SYNE1: variants seen among roughly 807,000 people sequenced by gnomAD.
The protein encoded by SYNE1 is spectrin repeat containing nuclear envelope protein 1.
A neutral mutation model predicts 1,111.0 loss-of-function variants in SYNE1; 616 were observed. The ratio of observed to expected loss-of-function variants is 0.55; its 90% CI spans 0.52 to 0.59. The LOEUF is 0.59. SYNE1 is among the 20% of genes least tolerant of loss of function. SYNE1 has a pLI of 0.00. For synonymous variants in SYNE1, 3,855 were observed against 3,825.8 expected (o/e 1.01, Z -0.28); for missense variants, 10,006 against 10,417.0 (o/e 0.96, Z 1.72).
Position 152,399,678 on chromosome 6 carries a change from A to G in SYNE1, c.7175T>C (p.Val2392Ala), listed in dbSNP as rs199558070. The change falls in exon 48 of 146, where the codon GTG becomes GCG. Residue 2392 changes from valine to alanine, a missense_variant. Val to Ala is a moderately conservative substitution (Grantham distance 64). Transcript: ENST00000367255. ...MTGLIKKHEA[V>A]SQLCSKTQAS... ...CTGGGTTTTGGAGCACAACTGGCTC[A>G]CGGCTTCATGTTTCTTTATCAGACC... 301 of 1,614,182 alleles carry G rather than the reference A, an allele frequency of 1.9e-4. 2 individuals carry two copies. In the East Asian group the frequency reaches 6.6e-3, roughly 36 times the overall value.
intron 38 of SYNE1, 72 bp from the exon 39 acceptor site, chr6:152,425,619 C>T: frequency 1.3e-6 from 2 of 1,577,116 alleles, no homozygotes; most frequent in Non-Finnish European, 1.7e-6. Context: ...GCACAGGCGG[C>T]TGTTGTCCAA....
chr6:152,148,359 T>C lies in SYNE1; in HGVS notation c.24662A>G (p.Asp8221Gly). The part of the protein sequence containing the change: ...IRLPLPDDEH[D>G]LSDRELELED... ...CAGCTCCAGCTCCCTGTCTGAGAGG[T>C]CGTGCTCATCGTCTGGGAGCTAGAA... The change falls in exon 137 of 146, where the codon GAC (aspartate) becomes GGC (glycine). Residue 8221 changes from aspartate (D) to glycine (G), a missense_variant. Coordinates refer to ENST00000367255, the MANE Select transcript of SYNE1 (RefSeq NM_182961.4). The surrounding 1 kb of genome is among the most constrained non-coding windows in gnomAD (Gnocchi z 4.1). 2 of 1,613,938 alleles carry C rather than the reference T, an allele frequency of 1.2e-6. No individual in the cohort carries two copies. Among genetic ancestry groups the C allele is most frequent in the South Asian group, 1.1e-5 (1 of 91,040 alleles).
intron 2 of SYNE1, among the ~76,000 whole-genome samples, chr6:152,631,241 C>G (rs953358606): frequency 1.3e-5 from 2 of 152,080 alleles, no homozygotes; most frequent in African/African-American, 4.8e-5. Flanking sequence ...GTTAGTCACT[C>G]AGGTGAAACA....
At chr6:152,634,654 C>A (rs1436734936) in intron 2 of SYNE1, among the ~76,000 whole-genome samples, 2 of 152,114 alleles carry the variant, frequency 1.3e-5, no homozygotes, top group African/African-American at 4.8e-5. Context: ...AAGAAATGAT[C>A]TTTTCCATAG....
intron 116 of SYNE1, 31 bp downstream of exon 116, chr6:152,225,690 C>A: frequency 6.2e-7 from 1 of 1,614,008 alleles, no homozygotes; most frequent in South Asian, 1.1e-5. Context: ...CAAACACGGT[C>A]CTGGAGCTGG....
intron 25 of SYNE1, 28 bp downstream of exon 25, chr6:152,453,558 A>C (rs780962980): frequency 6.2e-7 from 1 of 1,614,086 alleles, no homozygotes; most frequent in Non-Finnish European, 8.5e-7. Context: ...TTGAGGATGC[A>C]CGGTGTCTCC....
chr6:152,273,892 T>C (rs190977031), intron 98 of SYNE1, among the ~76,000 whole-genome samples: 12 of 152,272 alleles, frequency 7.9e-5, no homozygotes, highest in Admixed American at 2.6e-4. Context: ...TTAATCCCTC[T>C]TGTGCTTGTG....
In SYNE1 at chr6:152,350,315, C is replaced by A; in HGVS notation, c.11754G>T (p.Glu3918Asp). 1.2e-6 allele frequency: 2 copies of A among 1,614,130 alleles called. No individual in the cohort carries two copies. Among genetic ancestry groups the A allele is most frequent in the Non-Finnish European group, 1.7e-6 (2 of 1,180,022 alleles). Residue 3918 changes from glutamate (E) to aspartate (D), a missense_variant, in exon 72 of 146, where the codon GAG (glutamate) becomes GAT (aspartate). Glu to Asp is a conservative substitution (Grantham distance 45). Around this residue, in one of 7 missense-constraint regions of SYNE1, gnomAD observed 4,955 missense variants for 5,017.2 expected, o/e 0.99. Transcript: ENST00000367255. ...AGTCTTCATGGTCTTTGACTTTCGC[C>A]TCCAGACTGAAGACATGCTCCTGCA... ...SIGKEHVFSL[E>D]AKVKDHEDYN...
In SYNE1 at chr6:152,355,031, G is replaced by A. The variant is rs2096810251; in HGVS notation, c.10609-55C>T. On this transcript the variant is annotated intron_variant, in intron 66 of 145. Coordinates refer to ENST00000367255, the MANE Select transcript of SYNE1 (RefSeq NM_182961.4). Reference sequence around the variant, plus strand: ...TCAATCATATTTCACACTTGCATGGGTTAGCATGTCTTGCCCAAGCCAACT... The same window carrying A: ...TCAATCATATTTCACACTTGCATGGATTAGCATGTCTTGCCCAAGCCAACT... The A allele has an allele frequency of 2.5e-6, 4 of 1,599,056 alleles. No individual in the cohort carries two copies. In the South Asian group the frequency reaches 4.4e-5, roughly 18 times the overall value.
rs985416721 is a variant in SYNE1 at position 152,148,659 on chromosome 6, C to T, written c.24643-281G>A. On this transcript the variant is annotated intron_variant, in intron 136 of 145. Transcript: ENST00000367255. The surrounding 1 kb of genome is among the most constrained non-coding windows in gnomAD (Gnocchi z 4.1). ...ATAAAATGGGAATAACAGTCCCAGG[C>T]ATCCCACAGGGTTTTTTTTTTTTGA... Among the ~76,000 whole-genome samples, 1 of 136,640 alleles carries T rather than the reference C, an allele frequency of 7.3e-6. No homozygotes were observed. The highest frequency in any genetic ancestry group is 2.7e-5 in the African/African-American group (1 of 36,896). 89.6% of individuals were successfully genotyped at this position (136,640 alleles called of 152,430 possible).
chr6:152,593,921 A>G (rs142923852), intron 3 of SYNE1, among the ~76,000 whole-genome samples: 1 of 152,308 alleles, frequency 6.6e-6, no homozygotes, highest in East Asian at 1.9e-4. Flanking sequence ...GAGCTCTTTA[A>G]TCACTAAGGT....
chr6:152,220,221 T>TA (rs2079823708), intron 119 of SYNE1, among the ~76,000 whole-genome samples: 2 of 152,278 alleles, frequency 1.3e-5, no homozygotes, highest in East Asian at 3.9e-4. Context: ...GAAAAGTTTA[T>TA]AAAAAGATCC....
intron 98 of SYNE1, among the ~76,000 whole-genome samples, chr6:152,275,540 C>T (rs909562134): frequency 2.0e-5 from 3 of 152,134 alleles, no homozygotes; most frequent in East Asian, 1.9e-4. Flanking sequence ...ATATTTATTG[C>T]GCCAACACCA....
At chr6:152,425,359 A>C (rs1563923816) in intron 39 of SYNE1, 22 bp downstream of exon 39, 1 of 1,610,468 alleles carries the variant, frequency 6.2e-7, no homozygotes, top group Admixed American at 1.7e-5. Flanking sequence ...CAATATTAGA[A>C]GATTTATCTT....
chr6:152,424,442 C>T (rs554931387), intron 39 of SYNE1, among the ~76,000 whole-genome samples: 1 of 152,306 alleles, frequency 6.6e-6, no homozygotes, highest in East Asian at 1.9e-4. Flanking sequence ...AATTGCTCAC[C>T]TTTCAAGAGG....
chr6:152,329,940 G>A lies in SYNE1; in HGVS notation c.14745C>T (p.Leu4915=), dbSNP rs2096205840. 2.5e-6 allele frequency: 4 copies of A among 1,614,188 alleles called. No individual in the cohort carries two copies. In the East Asian group the frequency reaches 8.9e-5, roughly 36 times the overall value. The change falls in exon 78 of 146, where the codon CTC becomes CTT. Residue 4915 remains leucine (L), a synonymous_variant. Transcript: ENST00000367255. ...TTTCCTCTTGGATGTCCTGCAGGTT[G>A]AGGTCTAGGTACACCGGCCCACTGA... ...AELSGPVYLD[L]NLQDIQEEIR...
intron 78 of SYNE1, among the ~76,000 whole-genome samples, chr6:152,327,447 A>G: frequency 6.6e-6 from 1 of 152,250 alleles, no homozygotes; most frequent in East Asian, 1.9e-4. Context: ...GAAAAGTTGA[A>G]AAGTTTAAGT....
At chr6:152,422,723 G>A (rs2098285669) in intron 39 of SYNE1, among the ~76,000 whole-genome samples, 1 of 152,260 alleles carries the variant, frequency 6.6e-6, no homozygotes, top group Non-Finnish European at 1.5e-5. Flanking sequence ...TGCCCAGGCT[G>A]GTTTTGAACT....
chr6:152,301,681 T>C (rs2095174558), intron 92 of SYNE1, among the ~76,000 whole-genome samples, 188 bp downstream of exon 92: 1 of 152,232 alleles, frequency 6.6e-6, no homozygotes. Context: ...ATTTTAACTG[T>C]CATTGTTTAC....
Sources: allele counts gnomAD v4.1 joint callset (sites outside exome capture counted in the v4.1 genomes callset), GRCh38; gene constraint gnomAD v4.1.1; regional missense constraint gnomAD v4.1.1; non-coding constraint Gnocchi (gnomAD v3.1); transcripts MANE v1.5; gene names NCBI Gene and HGNC (gene_info 2026-07-23, HGNC 2026-07-21).